The following LST1 variants were observed in gnomAD, a reference collection of about 807,000 sequenced individuals.
LST1 encodes the protein leukocyte-specific transcript 1 protein.
Under a neutral mutation model 8.5 loss-of-function variants are expected in LST1, and 9 were observed. That is an observed-to-expected ratio of 1.06 (90% CI 0.64 to 1.85). The LOEUF is 1.85. LST1 is among the 40% of genes most tolerant of loss of function. LST1 has a pLI of 0.00. For synonymous variants in LST1, 53 were observed against 50.4 expected, an observed-to-expected ratio of 1.05 and a Z score of -0.21; for missense variants, 121 against 117.1, an observed-to-expected ratio of 1.03 and a Z score of -0.16.
At chr6:31,586,545 C>T (rs995506928) in intron 1 of LST1, among the ~76,000 whole-genome samples, 4 of 152,154 alleles carry the variant, frequency 2.6e-5, no homozygotes. Context: ...CCTCTTAAAC[C>T]CAGAAGGGTC....
intron 4 of LST1, 115 bp from the exon 5 acceptor site, chr6:31,588,387 AGAGAGAGAGAGAGAGG>A: frequency 4.7e-6 from 4 of 860,162 alleles, no homozygotes; most frequent in Non-Finnish European, 7.2e-6. Flanking sequence ...AGAGAGAGAG[AGAGAGAGAGAGAGAGG>A]GAGAGAGAGA....
rs1367582633 is a variant in LST1 at position 31,588,812 on chromosome 6, C to G, written c.*136C>G. ...TCGAGCCTCCGTTCAAATTGATCAT[C>G]ATCAAAACTTATGTGGCTTTTTGAC... On this transcript the variant is annotated 3_prime_UTR_variant, in exon 5 of 5. Transcript: ENST00000438075. 4.8e-6 allele frequency: 5 copies of G among 1,035,624 alleles called. No individual in the cohort carries two copies. In the Admixed American group the frequency reaches 1.0e-4, roughly 22 times the overall value. The allele number at this position is 1,035,624 out of a possible 1,614,324, so 64.2% of individuals were successfully genotyped here.
intron 4 of LST1, 135 bp from the exon 5 acceptor site, chr6:31,588,383 A>AGAGAGAGAGAGAGAGAGAGAGAGAGG: frequency 3.7e-6 from 3 of 808,448 alleles, no homozygotes; most frequent in Non-Finnish European, 5.9e-6. Context: ...AAAGAGAGAG[A>AGAGAGAGAGAGAGAGAGAGAGAGAGG]GAGAGAGAGA....
At chr6:31,588,374 A>AAG (rs9279359) in intron 4 of LST1, 144 bp from the exon 5 acceptor site, 107,579 of 613,114 alleles carry the variant, frequency 0.18, 2,915 homozygotes, top group South Asian at 0.23. Flanking sequence ...CCAAAGAAAA[A>AAG]AGAGAGAGAG....
At chr6:31,588,321 A>G (rs1197261944) in intron 4 of LST1, 197 bp from the exon 5 acceptor site, 2 of 644,352 alleles carry the variant, frequency 3.1e-6, no homozygotes, top group Non-Finnish European at 5.4e-6. Flanking sequence ...GCTTGAGCTC[A>G]GGGGTTGAAG....
chr6:31,587,770 GC>G, intron 3 of LST1, 37 bp downstream of exon 3: 3 of 1,477,190 alleles, frequency 2.0e-6, no homozygotes, highest in Middle Eastern at 2.4e-4. Context: ...CTGCAGCAGT[GC>G]CCCCTGTGCC....
chr6:31,588,419 A>AGAGG (rs1465582293), intron 4 of LST1, 99 bp from the exon 5 acceptor site: 4 of 1,257,656 alleles, frequency 3.2e-6, no homozygotes, highest in Non-Finnish European at 4.5e-6. Context: ...AGAGAGAGAG[A>AGAGG]GAGGGAGAGA....
chr6:31,588,820 C>T lies in LST1; in HGVS notation c.*144C>T. 1.0e-6 allele frequency: 1 copy of T among 999,454 alleles called. No homozygotes were observed. Among genetic ancestry groups the T allele is most frequent in the Non-Finnish European group, 1.5e-6 (1 of 656,142 alleles). 61.9% of individuals were successfully genotyped at this position (999,454 alleles called of 1,614,324 possible). On this transcript the variant is annotated 3_prime_UTR_variant, in exon 5 of 5. Transcript: ENST00000438075. ...CCGTTCAAATTGATCATCATCAAAA[C>T]TTATGTGGCTTTTTGACCTTTGAAT... is the stretch of plus-strand genomic sequence containing the variant.
At chr6:31,588,486 C>T in intron 4 of LST1, 32 bp from the exon 5 acceptor site, 1 of 1,567,260 alleles carries the variant, frequency 6.4e-7, no homozygotes, top group South Asian at 1.2e-5. Context: ...GACGGCATCG[C>T]CTCCCATCAG....
At position 31,587,304 on chromosome 6, in the gene LST1, T is replaced by C; in HGVS notation, c.5T>C (p.Leu2Ser). The C allele has an allele frequency of 6.2e-7, 1 of 1,612,838 alleles. No homozygotes were observed. Among genetic ancestry groups the C allele is most frequent in the Non-Finnish European group, 8.5e-7 (1 of 1,178,824 alleles). Residue 2 changes from leucine to serine, a missense_variant, in exon 2 of 5, where the codon TTA (leucine) becomes TCA (serine). Leu to Ser is a moderately radical substitution (Grantham distance 145, BLOSUM62 -2). Coordinates refer to ENST00000438075, the MANE Select transcript of LST1 (RefSeq NM_205839.3). Reference sequence around the variant, plus strand: ...CAGTCCCTGATCCCTGACCTAATGTTATCGCGGAATGATGGTAAGTAAAGT... The same window carrying C: ...CAGTCCCTGATCCCTGACCTAATGTCATCGCGGAATGATGGTAAGTAAAGT... Reference protein sequence around the residue: MLSRNDDICIYG... With the variant: MSSRNDDICIYG...
At chr6:31,588,381 AGAGAGAGAGAGAGAGAGAGAGG>A (rs1562498994) in intron 4 of LST1, 115 bp from the exon 5 acceptor site, 7 of 770,846 alleles carry the variant, frequency 9.1e-6, no homozygotes, top group South Asian at 4.0e-5. Flanking sequence ...AAAAAGAGAG[AGAGAGAGAGAGAGAGAGAGAGG>A]GAGAGAGAGA....
intron 1 of LST1, 128 bp from the exon 2 acceptor site, chr6:31,587,072 G>A (rs905465049): frequency 1.3e-5 from 8 of 592,976 alleles, no homozygotes; most frequent in African/African-American, 3.7e-5. Flanking sequence ...CTTGGGCAAC[G>A]GGCACCATGA....
Position 31,587,263 on chromosome 6 carries a change from T to C in LST1, c.-37T>C. 6.8e-7 allele frequency: 1 copy of C among 1,466,694 alleles called. No homozygotes were observed. Among genetic ancestry groups the C allele is most frequent in the Non-Finnish European group, 9.6e-7 (1 of 1,045,824 alleles). 90.9% of individuals were successfully genotyped at this position (1,466,694 alleles called of 1,614,324 possible). On this transcript the variant is annotated 5_prime_UTR_variant, in exon 2 of 5. Transcript: ENST00000438075. ...TCGCCTAAAAGAGCAAGGACTAGAG[T>C]TCCTGACCTCCAGGCCAGTCCCTGA...
chr6:31,586,707 C>T (rs979728202), intron 1 of LST1: 2 of 153,614 alleles, frequency 1.3e-5, no homozygotes, highest in African/African-American at 4.8e-5. Flanking sequence ...CCACTTCAGC[C>T]CTAGCAGCAT....
Position 31,588,687 on chromosome 6 carries a change from C to T in LST1, c.*11C>T, listed in dbSNP as rs1310422275. 6.2e-7 allele frequency: 1 copy of T among 1,613,024 alleles called. No individual in the cohort carries two copies. Among genetic ancestry groups the T allele is most frequent in the African/African-American group, 1.3e-5 (1 of 74,944 alleles). ...AACAAACCCACCTGAGCACCCCAGA[C>T]ACCTTCCTCAACCCAGGCGGGTGGA... On this transcript the variant is annotated 3_prime_UTR_variant, in exon 5 of 5. Transcript: ENST00000438075.
rs1383370787 is a variant in LST1, at chr6:31,588,745, C to T, written c.*69C>T. On this transcript the variant is annotated 3_prime_UTR_variant, in exon 5 of 5. Coordinates refer to ENST00000438075, the MANE Select transcript of LST1 (RefSeq NM_205839.3). ...CCCCTGTGGTCCAGCCAGTAAAAAC[C>T]ATGGTCCCCCCACTTCTGTGTCTCA... 1 of 1,543,040 alleles carries T rather than the reference C, an allele frequency of 6.5e-7. No homozygotes were observed. The highest frequency in any genetic ancestry group is 9.0e-7 in the Non-Finnish European group (1 of 1,116,182).
chr6:31,588,083 T>TA, intron 4 of LST1, 117 bp downstream of exon 4: 1 of 1,083,182 alleles, frequency 9.2e-7, no homozygotes, highest in African/African-American at 1.6e-5. Context: ...AGAGAGAAAG[T>TA]AGGAGCATGA....
chr6:31,587,969 G>A lies in LST1; in HGVS notation c.135+3G>A. On this transcript the variant is annotated splice_donor_region_variant and intron_variant, in intron 4 of 4. Transcript: ENST00000438075. ...TAAAGAGGCTGGAGAGGAGCTGGGTGAGTCTGGGGACAGGGAAGGGGGAGG... is the reference window on the plus strand; with the variant it reads ...TAAAGAGGCTGGAGAGGAGCTGGGTAAGTCTGGGGACAGGGAAGGGGGAGG... 8.1e-6 allele frequency: 13 copies of A among 1,609,392 alleles called. No homozygotes were observed. The highest frequency in any genetic ancestry group is 1.1e-5 in the Non-Finnish European group (13 of 1,178,048).
intron 2 of LST1, 144 bp downstream of exon 2, chr6:31,587,462 G>A: frequency 9.7e-7 from 1 of 1,033,886 alleles, no homozygotes; most frequent in Non-Finnish European, 1.5e-6. Flanking sequence ...CCTCACGGGA[G>A]GCCCAGAAAC....
Sources: allele counts gnomAD v4.1 joint callset (sites outside exome capture counted in the v4.1 genomes callset), GRCh38; gene constraint gnomAD v4.1.1; transcripts MANE v1.5; gene names NCBI Gene and HGNC (gene_info 2026-07-23, HGNC 2026-07-21).